The following PTPA variants were observed in gnomAD, a reference collection of about 807,000 sequenced individuals.
PTPA encodes serine/threonine-protein phosphatase 2A activator.
A neutral mutation model predicts 43.6 loss-of-function variants in PTPA; 13 were observed. That is an observed-to-expected ratio of 0.30 (90% CI 0.19 to 0.47). The LOEUF (loss-of-function observed/expected upper bound fraction) is 0.47, where lower values mean the gene tolerates loss of function less well. Ranked by LOEUF, PTPA falls within the 20% of genes least tolerant of loss-of-function variation. PTPA has a pLI of 0.99. For synonymous variants in PTPA, 172 were observed against 158.2 expected (o/e 1.09, Z -0.66); for missense variants, 329 against 411.9 (o/e 0.80, Z 1.74).
At chr9:129,136,364 C>T (rs1850367342) in intron 6 of PTPA, 107 bp from the exon 7 acceptor site, 30 of 1,251,064 alleles carry the variant, frequency 2.4e-5, no homozygotes, top group Non-Finnish European at 3.1e-5. Context: ...GACCAGTTAA[C>T]ACTCTTCAGT....
intron 3 of PTPA, 77 bp from the exon 4 acceptor site, chr9:129,128,908 C>T: frequency 6.4e-7 from 1 of 1,571,732 alleles, no homozygotes; most frequent in South Asian, 1.1e-5. Flanking sequence ...CATTGTCTGG[C>T]AGCAGTGGAC....
intron 1 of PTPA, chr9:129,112,087 T>G (rs1848549319): frequency 6.1e-6 from 1 of 162,626 alleles, no homozygotes; most frequent in Admixed American, 6.4e-5. Context: ...GCCTCCAGTT[T>G]CGGCCTCCGC....
intron 3 of PTPA, among the ~76,000 whole-genome samples, chr9:129,123,777 G>C (rs770871391): frequency 1.5e-4 from 23 of 151,868 alleles, no homozygotes; most frequent in Non-Finnish European, 2.6e-4. Flanking sequence ...TCTGCCTCCT[G>C]GGTTCAAGCG....
chr9:129,128,066 G>C, intron 3 of PTPA: 1 of 1,328,698 alleles, frequency 7.5e-7, no homozygotes, highest in Non-Finnish European at 1.0e-6. Context: ...TGCACCTTCG[G>C]AGGTATTTAT....
intron 6 of PTPA, among the ~76,000 whole-genome samples, chr9:129,135,253 C>T (rs574872173): frequency 1.9e-4 from 29 of 152,042 alleles, no homozygotes; most frequent in Non-Finnish European, 3.7e-4. Flanking sequence ...ATTAGCTGGG[C>T]GTGGTGGCAC....
At chr9:129,122,013 GAAAGAGAGAGGAAA>G (rs1457009446) in intron 2 of PTPA, among the ~76,000 whole-genome samples, 1 of 152,194 alleles carries the variant, frequency 6.6e-6, no homozygotes, top group Non-Finnish European at 1.5e-5. Flanking sequence ...GAGAAAGGAA[GAAAGAGAGAGGAAA>G]AAGGGATGAA....
intron 6 of PTPA, among the ~76,000 whole-genome samples, chr9:129,135,222 G>A (rs7858432): frequency 1.3e-5 from 2 of 152,184 alleles, no homozygotes; most frequent in African/African-American, 2.4e-5. Context: ...ATGAAACCCC[G>A]TCTCTACTAA....
chr9:129,147,449 T>C lies in PTPA; in HGVS notation c.957T>C (p.Pro319=). 6.2e-7 allele frequency: 1 copy of C among 1,613,936 alleles called. No homozygotes were observed. Among genetic ancestry groups the C allele is most frequent in the Admixed American group, 1.7e-5 (1 of 60,026 alleles). Residue 319 remains proline (P), a synonymous_variant, in exon 10 of 10, where the codon CCT becomes CCC. Coordinates refer to ENST00000393370, the MANE Select transcript of PTPA (RefSeq NM_178000.3). ...TCGGGAGCCTGCTGCCCATCCATCC[T>C]GTCACGTCGGGCTAGGAGGGGCCAA... is the stretch of plus-strand genomic sequence containing the variant. ...FKFGSLLPIH[P]VTSG
chr9:129,134,750 C>A, intron 5 of PTPA, 45 bp from the exon 6 acceptor site: 1 of 1,491,056 alleles, frequency 6.7e-7, no homozygotes, highest in Non-Finnish European at 9.3e-7. Flanking sequence ...CAATCCCAGT[C>A]CTTTACCTGG....
rs186972809 is a variant in PTPA at position 129,134,415 on chromosome 9, C to T, written c.461-380C>T. Among the ~76,000 whole-genome samples the T allele has an allele frequency of 1.6e-4, 23 of 146,944 alleles. No homozygotes were observed. In the South Asian group the frequency reaches 3.1e-3, roughly 20 times the overall value. ...AACCTCCTGGGCTCAGGAGATCCTC[C>T]ATCTCAGCCTCCTGAGTAGTTGGGA... On this transcript the variant is annotated intron_variant, in intron 5 of 9. Transcript: ENST00000393370.
chr9:129,142,924 T>G, intron 9 of PTPA: 1 of 1,464,172 alleles, frequency 6.8e-7, no homozygotes, highest in Non-Finnish European at 9.0e-7. Flanking sequence ...ATGGCATACC[T>G]GGGAAGGGTC....
intron 6 of PTPA, among the ~76,000 whole-genome samples, chr9:129,135,370 G>A (rs1285923591): frequency 6.6e-6 from 1 of 152,094 alleles, no homozygotes; most frequent in Non-Finnish European, 1.5e-5. Flanking sequence ...TCCAGCCTGG[G>A]TGACAGAGTG....
intron 3 of PTPA, among the ~76,000 whole-genome samples, chr9:129,125,503 A>T (rs757113808): frequency 6.6e-6 from 1 of 152,090 alleles, no homozygotes; most frequent in Non-Finnish European, 1.5e-5. Context: ...TTGTCCTCCC[A>T]AAGTGCTGGG....
At chr9:129,126,744 C>T (rs1849607435) in intron 3 of PTPA, among the ~76,000 whole-genome samples, 1 of 152,064 alleles carries the variant, frequency 6.6e-6, no homozygotes, top group African/African-American at 2.4e-5. Flanking sequence ...GGTGTTTCAG[C>T]CCCAGTTCCC....
chr9:129,112,004 T>G, intron 1 of PTPA: 7 of 231,930 alleles, frequency 3.0e-5, no homozygotes, highest in East Asian at 8.5e-5. Context: ...GCGAAAGTGA[T>G]TCCGGAGGCT....
At chr9:129,121,477 T>C (rs2131557457) in intron 2 of PTPA, among the ~76,000 whole-genome samples, 1 of 152,342 alleles carries the variant, frequency 6.6e-6, no homozygotes, top group Admixed American at 6.5e-5. Flanking sequence ...CCCTTCAGCC[T>C]AGGGGGCAGC....
chr9:129,135,225 T>C (rs995938151), intron 6 of PTPA, among the ~76,000 whole-genome samples: 1 of 152,116 alleles, frequency 6.6e-6, no homozygotes, highest in African/African-American at 2.4e-5. Context: ...AAACCCCGTC[T>C]CTACTAAAAA....
chr9:129,122,198 G>A (rs1849292235), intron 2 of PTPA, among the ~76,000 whole-genome samples: 1 of 152,188 alleles, frequency 6.6e-6, no homozygotes, highest in Non-Finnish European at 1.5e-5. Context: ...CACCTCTTGG[G>A]CTCAAGCAGT....
chr9:129,111,233 G>C, upstream of PTPA: 2 of 1,143,546 alleles, frequency 1.7e-6, no homozygotes, highest in Non-Finnish European at 2.2e-6. Flanking sequence ...ACCCAAACTT[G>C]ACGCCCCGCA....
Sources: gnomAD v4.1 joint callset for allele counts (sites outside exome capture counted in the v4.1 genomes callset) on GRCh38, gnomAD v4.1.1 for gene constraint, MANE v1.5 for transcripts, NCBI Gene and HGNC (gene_info 2026-07-23, HGNC 2026-07-21) for gene names.